Variants in NAMPT observed in about 807,000 individuals in gnomAD.
The protein encoded by NAMPT is NAmPRTase.
In NAMPT, 7 loss-of-function variants were observed where a neutral mutation model predicts 58.7. The observed-to-expected ratio is 0.12, with a 90% CI of 0.07 to 0.22. The LOEUF (loss-of-function observed/expected upper bound fraction) is 0.22. NAMPT is among the 10% of genes least tolerant of loss of function. The pLI is 1.00. For missense variants in NAMPT, 271 were observed against 567.9 expected, an observed-to-expected ratio of 0.48 and a Z score of 5.31; for synonymous variants, 145 against 198.1, an observed-to-expected ratio of 0.73 and a Z score of 2.25.
Position 106,254,521 on chromosome 7 carries a change from A to C in NAMPT, c.1090-17T>G, listed in dbSNP as rs747813986. 3 of 1,610,958 alleles carry C rather than the reference A, an allele frequency of 1.9e-6. No homozygotes were observed. The highest frequency in any genetic ancestry group is 1.7e-6 in the Non-Finnish European group (2 of 1,177,568). ...TTCTACAATCTAGAAGATTAAAACA[A>C]AACAAAACCAAACCAAACCTTAATT... is the stretch of plus-strand genomic sequence containing the variant. On this transcript the variant is annotated splice_polypyrimidine_tract_variant and intron_variant, in intron 8 of 10. Coordinates refer to ENST00000222553, the MANE Select transcript of NAMPT (RefSeq NM_005746.3).
chr7:106,282,328 ACTT>A (rs1792781661), intron 1 of NAMPT, among the ~76,000 whole-genome samples: 2 of 152,206 alleles, frequency 1.3e-5, no homozygotes, highest in African/African-American at 4.8e-5. Flanking sequence ...TCAAAATACT[ACTT>A]ATCTTTGTCT....
intron 10 of NAMPT, 48 bp downstream of exon 10, chr7:106,252,969 G>T: frequency 6.3e-7 from 1 of 1,576,948 alleles, no homozygotes; most frequent in Non-Finnish European, 8.6e-7. Context: ...TTAATTTGGT[G>T]AGCCAACCTA....
chr7:106,266,158 A>G (rs1295170436), intron 6 of NAMPT, among the ~76,000 whole-genome samples: 3 of 152,190 alleles, frequency 2.0e-5, no homozygotes, highest in African/African-American at 7.2e-5. Flanking sequence ...TCTTTTTGCT[A>G]TACTACGCTG....
chr7:106,256,210 CAG>C (rs1792196643), intron 8 of NAMPT, among the ~76,000 whole-genome samples: 1 of 152,124 alleles, frequency 6.6e-6, no homozygotes, highest in Admixed American at 6.5e-5. Flanking sequence ...TGAAACACAA[CAG>C]AAAAAGAAGA....
At chr7:106,285,020 A>C, upstream of NAMPT, 2 of 1,420,186 alleles carry the variant, frequency 1.4e-6, no homozygotes, top group Non-Finnish European at 1.9e-6. Context: ...GGGGAAACGG[A>C]GAGAGGGGAG....
At chr7:106,273,649 C>G (rs2115804178) in intron 3 of NAMPT, among the ~76,000 whole-genome samples, 1 of 152,252 alleles carries the variant, frequency 6.6e-6, no homozygotes, top group South Asian at 2.1e-4. Flanking sequence ...AATCAAACGA[C>G]TTATTGCCCT....
intron 10 of NAMPT, among the ~76,000 whole-genome samples, chr7:106,252,324 CAT>C (rs982346258): frequency 1.3e-4 from 19 of 151,998 alleles, no homozygotes; most frequent in African/African-American, 4.1e-4. Flanking sequence ...GATTTACAAA[CAT>C]ATTTTTTCAT....
At chr7:106,257,464 TA>T (rs58198836) in intron 8 of NAMPT, among the ~76,000 whole-genome samples, 71,400 of 125,660 alleles carry the variant, frequency 0.57, 21,116 homozygotes, top group East Asian at 0.88. Context: ...TACAAAACAT[TA>T]AAAAAAAAAA....
intron 8 of NAMPT, among the ~76,000 whole-genome samples, chr7:106,260,204 A>G (rs977433623): frequency 6.6e-6 from 1 of 152,226 alleles, no homozygotes; most frequent in Non-Finnish European, 1.5e-5. Context: ...TACACTGACA[A>G]TCTGTTTAGT....
At chr7:106,281,613 A>G (rs1792766315) in intron 1 of NAMPT, among the ~76,000 whole-genome samples, 1 of 152,238 alleles carries the variant, frequency 6.6e-6, no homozygotes, top group Non-Finnish European at 1.5e-5. Flanking sequence ...AATGTGCTAG[A>G]AACAGCAAAA....
At chr7:106,261,407 G>T in intron 8 of NAMPT, 181 bp downstream of exon 8, 1 of 486,532 alleles carries the variant, frequency 2.1e-6, no homozygotes, top group Non-Finnish European at 3.6e-6. Flanking sequence ...GTATGGCTTG[G>T]CTGGCACCTC....
chr7:106,262,695 A>T (rs1434905084), intron 7 of NAMPT, among the ~76,000 whole-genome samples: 2 of 152,066 alleles, frequency 1.3e-5, no homozygotes, highest in Admixed American at 1.3e-4. Flanking sequence ...CTTATCTTTC[A>T]TGTTGTGTGA....
At chr7:106,258,187 A>C (rs566357501) in intron 8 of NAMPT, among the ~76,000 whole-genome samples, 3 of 152,364 alleles carry the variant, frequency 2.0e-5, no homozygotes, top group South Asian at 2.1e-4. Flanking sequence ...TGGAAGAGGT[A>C]GTGGAAGAAA....
chr7:106,267,751 G>A (rs1269968698), intron 6 of NAMPT, among the ~76,000 whole-genome samples: 1 of 143,460 alleles, frequency 7.0e-6, no homozygotes, highest in African/African-American at 2.5e-5. Flanking sequence ...TGAGGCAGGA[G>A]AATGGCGTGA....
chr7:106,251,218 T>C lies in NAMPT; in HGVS notation c.1366-25A>G, dbSNP rs770783806. 3 of 1,447,524 alleles carry C rather than the reference T, an allele frequency of 2.1e-6. No individual in the cohort carries two copies. In the South Asian group the frequency reaches 3.4e-5, roughly 17 times the overall value. 89.7% of individuals were successfully genotyped at this position (1,447,524 alleles called of 1,614,324 possible). A position where few individuals can be genotyped will look rare whatever the true frequency, so the allele number is the denominator to read the frequency against. ...CCTGCATAAATGGAAATTTCATGAT[T>C]ATATTACATTATTAAGCAAAATACC... On this transcript the variant is annotated intron_variant, in intron 10 of 10. Transcript: ENST00000222553.
intron 1 of NAMPT, among the ~76,000 whole-genome samples, chr7:106,278,248 C>G (rs576888056): frequency 2.0e-5 from 3 of 152,280 alleles, no homozygotes; most frequent in African/African-American, 7.2e-5. Context: ...GTACAAGAAT[C>G]CTAAGATGAA....
intron 3 of NAMPT, among the ~76,000 whole-genome samples, chr7:106,273,147 C>A (rs893338044): frequency 1.3e-5 from 2 of 152,190 alleles, no homozygotes; most frequent in Admixed American, 1.3e-4. Flanking sequence ...CTAGGGAAAT[C>A]CCTGCAGAAG....
At chr7:106,278,096 T>C (rs1792686790) in intron 1 of NAMPT, among the ~76,000 whole-genome samples, 1 of 152,168 alleles carries the variant, frequency 6.6e-6, no homozygotes, top group Non-Finnish European at 1.5e-5. Context: ...GCAGACCATT[T>C]TTCATGAGTG....
chr7:106,280,919 C>T (rs1048153175), intron 1 of NAMPT, among the ~76,000 whole-genome samples: 8 of 150,280 alleles, frequency 5.3e-5, no homozygotes, highest in African/African-American at 2.0e-4. Flanking sequence ...CCAGCCTGGG[C>T]AACAGAGCAA....
Sources: allele counts gnomAD v4.1 joint callset (sites outside exome capture counted in the v4.1 genomes callset), GRCh38; gene constraint gnomAD v4.1.1; transcripts MANE v1.5; gene names NCBI Gene and HGNC (gene_info 2026-07-23, HGNC 2026-07-21).